Variants in LHFPL2 observed in about 807,000 individuals in gnomAD.
The protein encoded by LHFPL2 is LHFPL tetraspan subfamily member 2 protein.
LHFPL2 carries 7 observed loss-of-function variants against 17.5 expected under a neutral mutation model. The observed-to-expected ratio is 0.40, with a 90% CI of 0.23 to 0.75. LHFPL2 has a LOEUF of 0.75. Among genes scored for constraint, LHFPL2 ranks in the 30% least tolerant of loss-of-function variants. LHFPL2 has a pLI of 0.37. For missense variants in LHFPL2, 241 were observed against 294.8 expected, an observed-to-expected ratio of 0.82 and a Z score of 1.34; for synonymous variants, 134 against 116.2, an observed-to-expected ratio of 1.15 and a Z score of -0.99.
intron 1 of LHFPL2, among the ~76,000 whole-genome samples, chr5:78,635,837 C>T (rs1745429247): frequency 1.3e-5 from 2 of 151,906 alleles, no homozygotes; most frequent in Admixed American, 6.6e-5. Context: ...CAACAAAAAA[C>T]AACCAACCAA....
chr5:78,635,999 GAC>G (rs5868927), intron 1 of LHFPL2, among the ~76,000 whole-genome samples: 41,852 of 150,724 alleles, frequency 0.28, 6,573 homozygotes, highest in African/African-American at 0.42. Flanking sequence ...CACACACACA[GAC>G]ACACACACAC....
chr5:78,567,597 A>G (rs1363312783), intron 2 of LHFPL2, among the ~76,000 whole-genome samples: 1 of 152,138 alleles, frequency 6.6e-6, no homozygotes, highest in African/African-American at 2.4e-5. Flanking sequence ...TTTCTGAAAA[A>G]CAATTTTTGT....
At chr5:78,645,745 G>C (rs1192351676) in intron 1 of LHFPL2, among the ~76,000 whole-genome samples, 1 of 152,024 alleles carries the variant, frequency 6.6e-6, no homozygotes, top group African/African-American at 2.4e-5. Flanking sequence ...ACCACACCCG[G>C]CTAATTTTTG....
At chr5:78,559,769 G>A (rs559093787) in intron 3 of LHFPL2, among the ~76,000 whole-genome samples, 4 of 152,226 alleles carry the variant, frequency 2.6e-5, no homozygotes, top group South Asian at 4.1e-4. Context: ...CTTCCAAATC[G>A]ATGGTATAAA....
intron 3 of LHFPL2, among the ~76,000 whole-genome samples, chr5:78,544,673 T>C (rs1169831700): frequency 6.6e-6 from 1 of 151,908 alleles, no homozygotes; most frequent in Non-Finnish European, 1.5e-5. Context: ...AAGTGACTCA[T>C]CAGCAAGGTC....
At chr5:78,568,952 T>G (rs990413859) in intron 2 of LHFPL2, among the ~76,000 whole-genome samples, 1 of 152,158 alleles carries the variant, frequency 6.6e-6, no homozygotes, top group African/African-American at 2.4e-5. Context: ...ACCAAGAATT[T>G]GAGCCACTTA....
At chr5:78,514,384 T>G (rs1755228689) in intron 3 of LHFPL2, among the ~76,000 whole-genome samples, 1 of 149,202 alleles carries the variant, frequency 6.7e-6, no homozygotes, top group African/African-American at 2.5e-5. Context: ...CAAATGAGAA[T>G]CCTGCAGAAA....
intron 3 of LHFPL2, among the ~76,000 whole-genome samples, chr5:78,529,337 G>A (rs1755711835): frequency 6.6e-6 from 1 of 152,200 alleles, no homozygotes; most frequent in African/African-American, 2.4e-5. Context: ...CTGGAATCCT[G>A]TAGCAACTGC....
intron 1 of LHFPL2, among the ~76,000 whole-genome samples, chr5:78,641,779 T>C (rs1745667208): frequency 2.6e-5 from 4 of 152,158 alleles, no homozygotes; most frequent in Admixed American, 2.6e-4. Flanking sequence ...AATGTGCAGA[T>C]AACACACCTT....
chr5:78,612,168 A>G (rs1357504717), intron 2 of LHFPL2, among the ~76,000 whole-genome samples: 2 of 152,250 alleles, frequency 1.3e-5, no homozygotes, highest in Non-Finnish European at 2.9e-5. Flanking sequence ...TTTTCCTACT[A>G]TCTCCTACTT....
chr5:78,620,368 G>A (rs573773861), intron 2 of LHFPL2, among the ~76,000 whole-genome samples: 19 of 152,084 alleles, frequency 1.2e-4, no homozygotes, highest in Admixed American at 3.9e-4. Context: ...TTTTTTTCTC[G>A]TAAATTTGTT....
intron 3 of LHFPL2, among the ~76,000 whole-genome samples, chr5:78,516,036 C>T (rs1755281510): frequency 6.6e-6 from 1 of 152,126 alleles, no homozygotes; most frequent in Non-Finnish European, 1.5e-5. Flanking sequence ...TCAGGTCCTT[C>T]TCTTCAGAAG....
rs1385903605 is a variant in LHFPL2, at chr5:78,488,953, T to A, written c.631A>T (p.Ser211Cys). Residue 211 changes from serine (S) to cysteine (C), a missense_variant, in exon 5 of 5, where the codon AGT becomes TGT. Physicochemically the swap from Ser to Cys is moderately radical, Grantham distance 112. Coordinates refer to ENST00000380345, the MANE Select transcript of LHFPL2 (RefSeq NM_005779.3). ...TCAATTTCTTCCTGTACTTTGTCAC[T>A]AGAGGTTGCAATTTCTGCTTGTGCA... Reference protein sequence around the residue: ...FSAQAEIATSSDKVQEEIEEG... With the variant: ...FSAQAEIATSCDKVQEEIEEG... 1 of 1,614,178 alleles carries A rather than the reference T, an allele frequency of 6.2e-7. No individual in the cohort carries two copies. The highest frequency in any genetic ancestry group is 8.5e-7 in the Non-Finnish European group (1 of 1,180,022).
At chr5:78,585,357 G>A (rs1187347810) in intron 2 of LHFPL2, among the ~76,000 whole-genome samples, 8 of 150,728 alleles carry the variant, frequency 5.3e-5, no homozygotes, top group Non-Finnish European at 1.2e-4. Context: ...TCAGGTGGGA[G>A]TGACCCGATT....
intron 4 of LHFPL2, among the ~76,000 whole-genome samples, chr5:78,501,999 T>TA (rs148475813): frequency 7.4e-4 from 109 of 147,692 alleles, no homozygotes; most frequent in Middle Eastern, 6.9e-3. Context: ...AAGTGTCAAT[T>TA]AAAAAAAAAA....
At position 78,511,984 on chromosome 5, in the gene LHFPL2, C is replaced by A. The variant is rs1176786812; in HGVS notation, c.-185-1586G>T. On this transcript the variant is annotated intron_variant, in intron 3 of 4. Transcript: ENST00000380345. Reference sequence around the variant, plus strand: ...TATGGATGCCTAACTTCTCAGAGCTCCCTCGTCTGAGCCGGTAAGGGTAGC... The same window carrying A: ...TATGGATGCCTAACTTCTCAGAGCTACCTCGTCTGAGCCGGTAAGGGTAGC... Among the ~76,000 whole-genome samples the A allele has an allele frequency of 8.0e-4, 121 of 152,106 alleles. 3 individuals are homozygous for A. Among genetic ancestry groups the A allele is most frequent in the Admixed American group, 7.9e-3 (120 of 15,272 alleles).
At chr5:78,615,220 A>G (rs573686705) in intron 2 of LHFPL2, among the ~76,000 whole-genome samples, 2 of 152,284 alleles carry the variant, frequency 1.3e-5, no homozygotes, top group South Asian at 4.1e-4. Context: ...GAAGGGAGAG[A>G]GGAGACGGGA....
Position 78,510,224 on chromosome 5 carries a change from C to T in LHFPL2, c.-11G>A, listed in dbSNP as rs759507894. The T allele has an allele frequency of 5.7e-6, 9 of 1,569,090 alleles. No individual in the cohort carries two copies. Among genetic ancestry groups the T allele is most frequent in the South Asian group, 1.2e-5 (1 of 86,780 alleles). ...AATGACATGACACATATTGATGTTC[C>T]GGGCGAAGAAAGAGTCAGGAGTCCA... On this transcript the variant is annotated 5_prime_UTR_variant, in exon 4 of 5. Coordinates refer to ENST00000380345, the MANE Select transcript of LHFPL2 (RefSeq NM_005779.3).
intron 2 of LHFPL2, among the ~76,000 whole-genome samples, chr5:78,568,555 T>G (rs924409735): frequency 1.3e-5 from 2 of 152,244 alleles, no homozygotes; most frequent in Non-Finnish European, 2.9e-5. Flanking sequence ...TGATTTGAAT[T>G]GTTTCATGTT....
Sources: allele counts gnomAD v4.1 joint callset (sites outside exome capture counted in the v4.1 genomes callset), GRCh38; gene constraint gnomAD v4.1.1; transcripts MANE v1.5; gene names NCBI Gene and HGNC (gene_info 2026-07-23, HGNC 2026-07-21).